HK2: variants seen among roughly 807,000 people sequenced by gnomAD.
The protein encoded by HK2 is hexokinase-2.
HK2 carries 42 observed loss-of-function variants against 92.9 expected under a neutral mutation model. That is an observed-to-expected ratio of 0.45 (90% confidence interval 0.35 to 0.58). HK2 has a LOEUF of 0.58. HK2 is among the 20% of genes least tolerant of loss of function. The probability of loss-of-function intolerance (pLI) is 0.00; values close to 1 mark genes in which losing one functional copy is unlikely to be tolerated. For missense variants in HK2, 978 were observed against 1,245.1 expected, an observed-to-expected ratio of 0.79 and a Z score of 3.23; for synonymous variants, 422 against 468.0, an observed-to-expected ratio of 0.90 and a Z score of 1.27.
chr2:74,836,825 T>G (rs1688178255), intron 1 of HK2, among the ~76,000 whole-genome samples: 1 of 152,238 alleles, frequency 6.6e-6, no homozygotes, highest in South Asian at 2.1e-4. Flanking sequence ...AATGAAAATT[T>G]AGTATAACTT....
chr2:74,887,329 G>T (rs1209402618), intron 15 of HK2, among the ~76,000 whole-genome samples: 1 of 151,986 alleles, frequency 6.6e-6, no homozygotes, highest in African/African-American at 2.4e-5. Flanking sequence ...GGGTGGTGAT[G>T]GGCTATTGGT....
At chr2:74,874,993 A>G (rs377693387) in intron 7 of HK2, among the ~76,000 whole-genome samples, 1 of 152,126 alleles carries the variant, frequency 6.6e-6, no homozygotes, top group Non-Finnish European at 1.5e-5. Flanking sequence ...TGGCCCAACT[A>G]TGTCCTGGGA....
At position 74,882,103 on chromosome 2, in the gene HK2, C is replaced by G; in HGVS notation, c.1720-17C>G. The G allele has an allele frequency of 6.2e-7, 1 of 1,613,908 alleles. No individual in the cohort carries two copies. The highest frequency in any genetic ancestry group is 8.5e-7 in the Non-Finnish European group (1 of 1,179,898). The stretch of plus-strand genomic sequence containing the variant: ...TGCCCAGGGCCCCTCCCTCAGTGTC[C>G]TAACTTCTCCCTGCAGCTCTTTGAC... On this transcript the variant is annotated splice_polypyrimidine_tract_variant and intron_variant, in intron 11 of 17. Transcript: ENST00000290573.
At chr2:74,856,735 G>A (rs28362986) in intron 2 of HK2, among the ~76,000 whole-genome samples, 421 of 152,284 alleles carry the variant, frequency 2.8e-3, no homozygotes, top group African/African-American at 9.7e-3. Flanking sequence ...TGTCAAACAA[G>A]TTGTCCAAAA....
In HK2 at chr2:74,879,034, A is replaced by T. The variant is rs950218268; in HGVS notation, c.1265+113A>T. ...CAGGGGTGGTGTGGAGGGACCATAG[A>T]GCTGAGGGTCTTGGTGGAATGAAAG... On this transcript the variant is annotated intron_variant, in intron 9 of 17. Transcript: ENST00000290573. 9.0e-6 allele frequency: 8 copies of T among 887,990 alleles called. No homozygotes were observed. The Admixed American group carries it at 1.2e-4, about 13-fold the overall frequency. 55.0% of individuals were successfully genotyped at this position (887,990 alleles called of 1,614,324 possible).
chr2:74,878,963 G>T, intron 9 of HK2, 42 bp downstream of exon 9: 1 of 1,490,094 alleles, frequency 6.7e-7, no homozygotes, highest in Non-Finnish European at 9.2e-7. Context: ...AGTTCCTGGA[G>T]TACCTGGGGC....
intron 2 of HK2, 148 bp from the exon 3 acceptor site, chr2:74,867,488 A>G: frequency 1.3e-6 from 1 of 764,654 alleles, no homozygotes. Context: ...GCATGAAATT[A>G]GACTATATGT....
intron 1 of HK2, among the ~76,000 whole-genome samples, chr2:74,852,712 G>A (rs989313008): frequency 1.3e-5 from 2 of 151,918 alleles, no homozygotes; most frequent in African/African-American, 2.4e-5. Flanking sequence ...AACAAAAAAC[G>A]AGTGAGAGTT....
At chr2:74,877,080 C>T (rs767053088) in intron 7 of HK2, 86 bp from the exon 8 acceptor site, 8 of 1,545,324 alleles carry the variant, frequency 5.2e-6, no homozygotes, top group Non-Finnish European at 7.1e-6. Context: ...TGTGAAGTTG[C>T]ACGTGTGCGC....
intron 3 of HK2, among the ~76,000 whole-genome samples, chr2:74,869,934 C>T (rs1166481125): frequency 5.3e-5 from 8 of 151,862 alleles, no homozygotes; most frequent in South Asian, 2.1e-4. Flanking sequence ...CCTGTGGCAT[C>T]GAGCCCTTGA....
intron 3 of HK2, among the ~76,000 whole-genome samples, chr2:74,869,616 C>T (rs569535291): frequency 5.3e-5 from 8 of 152,240 alleles, no homozygotes; most frequent in South Asian, 4.1e-4. Flanking sequence ...AGATTTTAAA[C>T]GTATATCTCG....
At position 74,845,915 on chromosome 2, in the gene HK2, A is replaced by G. The variant is rs371313892; in HGVS notation, c.64-8378A>G. On this transcript the variant is annotated intron_variant, in intron 1 of 17. Coordinates refer to ENST00000290573, the MANE Select transcript of HK2 (RefSeq NM_000189.5). ...CTCTTTGTACAGCCTCAGCCTTCCC[A>G]GGAGGAGTCTGTGAGGGCATTATTA... Among the ~76,000 whole-genome samples the G allele has an allele frequency of 1.8e-4, 27 of 152,310 alleles. No homozygotes were observed. The South Asian group carries it at 3.1e-3, about 18-fold the overall frequency.
intron 2 of HK2, among the ~76,000 whole-genome samples, chr2:74,860,610 C>G (rs1688803442): frequency 6.6e-6 from 1 of 152,160 alleles, no homozygotes; most frequent in South Asian, 2.1e-4. Flanking sequence ...GCTGCTGATT[C>G]CATGGTATGA....
chr2:74,851,283 CG>C (rs1229030866), intron 1 of HK2, among the ~76,000 whole-genome samples: 2 of 152,178 alleles, frequency 1.3e-5, no homozygotes, highest in Non-Finnish European at 2.9e-5. Flanking sequence ...TCAGGAAAGC[CG>C]GAAGTGCCTG....
intron 2 of HK2, among the ~76,000 whole-genome samples, chr2:74,865,418 G>C (rs756268062): frequency 5.3e-5 from 8 of 152,136 alleles, no homozygotes; most frequent in Non-Finnish European, 7.3e-5. Flanking sequence ...TCGGTCCCCT[G>C]TGGTCACTGA....
chr2:74,840,888 A>G (rs1361310145), intron 1 of HK2, among the ~76,000 whole-genome samples: 1 of 136,744 alleles, frequency 7.3e-6, no homozygotes, highest in East Asian at 2.0e-4. Flanking sequence ...CAAAAAAAAA[A>G]AAAAAAAAAA....
At chr2:74,844,138 G>C (rs1688380648) in intron 1 of HK2, among the ~76,000 whole-genome samples, 2 of 152,184 alleles carry the variant, frequency 1.3e-5, no homozygotes, top group Non-Finnish European at 2.9e-5. Context: ...AGTTTCATGG[G>C]GTTATGAGTC....
chr2:74,860,336 C>G (rs1688796277), intron 2 of HK2, among the ~76,000 whole-genome samples: 1 of 152,086 alleles, frequency 6.6e-6, no homozygotes, highest in South Asian at 2.1e-4. Context: ...TAAATTTAAA[C>G]AACTAAAAAA....
At chr2:74,890,665 C>A in intron 17 of HK2, 132 bp from the exon 18 acceptor site, 1 of 1,043,780 alleles carries the variant, frequency 9.6e-7, no homozygotes, top group Non-Finnish European at 1.5e-6. Context: ...TACATTATAG[C>A]TGTCATCCTT....
Sources: allele counts gnomAD v4.1 joint callset (sites outside exome capture counted in the v4.1 genomes callset), GRCh38; gene constraint gnomAD v4.1.1; transcripts MANE v1.5; gene names NCBI Gene and HGNC (gene_info 2026-07-23, HGNC 2026-07-21).